TRAPPC9: variants seen among roughly 807,000 people sequenced by gnomAD.
The protein encoded by TRAPPC9 is trafficking protein particle complex subunit 9, also known as IKK2 binding protein.
A neutral mutation model predicts 124.0 loss-of-function variants in TRAPPC9; 83 were observed. That is an observed-to-expected ratio of 0.67 (90% CI 0.56 to 0.80). TRAPPC9 has a LOEUF of 0.80. Ranked by LOEUF, TRAPPC9 falls within the 30% of genes least tolerant of loss-of-function variation. TRAPPC9 has a pLI of 0.00. For missense variants in TRAPPC9, 1,302 were observed against 1,508.3 expected, an observed-to-expected ratio of 0.86 and a Z score of 2.27; for synonymous variants, 638 against 617.5, an observed-to-expected ratio of 1.03 and a Z score of -0.49.
intron 17 of TRAPPC9, among the ~76,000 whole-genome samples, chr8:140,113,995 C>G (rs1485214849): frequency 6.6e-6 from 1 of 152,206 alleles, no homozygotes; most frequent in African/African-American, 2.4e-5. Context: ...GCCTCGAAGT[C>G]TCTGATCAGA....
intron 21 of TRAPPC9, among the ~76,000 whole-genome samples, chr8:139,818,802 C>T (rs1825044328): frequency 6.6e-6 from 1 of 152,218 alleles, no homozygotes; most frequent in Non-Finnish European, 1.5e-5. Context: ...GCTCCTCCGT[C>T]GCCTGGCAAA....
At chr8:140,006,295 A>C (rs967969851) in intron 18 of TRAPPC9, among the ~76,000 whole-genome samples, 1 of 152,230 alleles carries the variant, frequency 6.6e-6, no homozygotes, top group African/African-American at 2.4e-5. Flanking sequence ...TAATTTTTTA[A>C]ATGTTCCCTT....
chr8:139,918,299 G>A (rs990167910), intron 19 of TRAPPC9, among the ~76,000 whole-genome samples: 4 of 152,224 alleles, frequency 2.6e-5, no homozygotes, highest in Non-Finnish European at 5.9e-5. Context: ...GAGGGATGGT[G>A]TGCTCTGAGC....
rs1405352197 is a variant in TRAPPC9, at chr8:139,825,164, G to A, written c.3055+60715C>T. On this transcript the variant is annotated intron_variant, in intron 21 of 22. Coordinates refer to ENST00000438773, the MANE Select transcript of TRAPPC9 (RefSeq NM_001160372.4). This position sits in a 1 kb window ranked among gnomAD's most constrained non-coding sequence, Gnocchi z 4.6. ...ACAGGATTACAGAGGGGTCTGAGAA[G>A]GTCTTACTGAGGCATGGGGTGGCCT... is the stretch of plus-strand genomic sequence containing the variant. 6.6e-6 allele frequency among the ~76,000 whole-genome samples: 1 copy of A among 152,184 alleles called. No homozygotes were observed. The highest frequency in any genetic ancestry group is 1.5e-5 in the Non-Finnish European group (1 of 68,034).
At chr8:139,884,477 C>T (rs1721641052) in intron 21 of TRAPPC9, among the ~76,000 whole-genome samples, 1 of 152,194 alleles carries the variant, frequency 6.6e-6, no homozygotes. Context: ...GCCTGTGGCC[C>T]TCCCTTCGCT....
chr8:139,989,933 G>A (rs1310548362), intron 18 of TRAPPC9, among the ~76,000 whole-genome samples: 1 of 152,222 alleles, frequency 6.6e-6, no homozygotes, highest in Non-Finnish European at 1.5e-5. Context: ...GCTGAGCTCA[G>A]TGGATGGCTG....
chr8:139,913,178 C>T (rs1253868742), intron 19 of TRAPPC9, among the ~76,000 whole-genome samples: 1 of 152,244 alleles, frequency 6.6e-6, no homozygotes, highest in Non-Finnish European at 1.5e-5. Context: ...TCATCACACT[C>T]TATTATCCTC....
intron 15 of TRAPPC9, among the ~76,000 whole-genome samples, chr8:140,265,164 C>G (rs545253467): frequency 6.9e-6 from 1 of 144,840 alleles, no homozygotes; most frequent in South Asian, 2.2e-4. Context: ...ACAGAAGCAG[C>G]AGAGTGCAAG....
intron 9 of TRAPPC9, among the ~76,000 whole-genome samples, chr8:140,337,688 C>T (rs2067080109): frequency 6.6e-6 from 1 of 152,214 alleles, no homozygotes; most frequent in Non-Finnish European, 1.5e-5. Flanking sequence ...CCAAAATGGG[C>T]TGCCTAGGTG....
At chr8:140,394,096 C>T (rs1164871823) in intron 7 of TRAPPC9, among the ~76,000 whole-genome samples, 1 of 152,226 alleles carries the variant, frequency 6.6e-6, no homozygotes, top group African/African-American at 2.4e-5. Flanking sequence ...TAAGTGAAAA[C>T]ATTTTATTTT....
chr8:140,430,164 G>C (rs994307471), intron 4 of TRAPPC9, among the ~76,000 whole-genome samples: 4 of 151,164 alleles, frequency 2.6e-5, no homozygotes, highest in Non-Finnish European at 5.9e-5. Flanking sequence ...AAAAAAAAAT[G>C]TTATCTGTTA....
chr8:139,964,266 G>T (rs1294696412), intron 19 of TRAPPC9, among the ~76,000 whole-genome samples: 1 of 151,408 alleles, frequency 6.6e-6, no homozygotes, highest in East Asian at 1.9e-4. Context: ...ACCTCAGGAG[G>T]CCAGGGAAGG....
At chr8:139,902,494 C>T (rs987387578) in intron 20 of TRAPPC9, among the ~76,000 whole-genome samples, 8 of 152,194 alleles carry the variant, frequency 5.3e-5, no homozygotes, top group Non-Finnish European at 1.2e-4. Context: ...AGCCAAATTC[C>T]CTCAAGGCAG....
chr8:139,872,193 T>C (rs1427037926), intron 21 of TRAPPC9, among the ~76,000 whole-genome samples: 1 of 147,946 alleles, frequency 6.8e-6, no homozygotes, highest in African/African-American at 2.5e-5. Context: ...GGTAGACGGG[T>C]TGGTGAGTAA....
At chr8:140,172,317 C>T (rs1725415198) in intron 17 of TRAPPC9, among the ~76,000 whole-genome samples, 1 of 151,616 alleles carries the variant, frequency 6.6e-6, no homozygotes, top group African/African-American at 2.4e-5. Flanking sequence ...ATGTCAGTTT[C>T]AACTAGTTCT....
intron 18 of TRAPPC9, among the ~76,000 whole-genome samples, chr8:140,010,590 G>T (rs576034827): frequency 6.6e-6 from 1 of 152,062 alleles, no homozygotes; most frequent in African/African-American, 2.4e-5. Context: ...ACATAAAGAT[G>T]GTTTACCTTA....
chr8:140,379,924 C>T (rs1335145031), intron 7 of TRAPPC9, among the ~76,000 whole-genome samples: 2 of 152,106 alleles, frequency 1.3e-5, no homozygotes, highest in Non-Finnish European at 2.9e-5. Context: ...AATTTGTCTC[C>T]TTCCTGGAAA....
At chr8:139,787,309 T>C (rs937100759) in intron 21 of TRAPPC9, among the ~76,000 whole-genome samples, 2 of 150,556 alleles carry the variant, frequency 1.3e-5, no homozygotes, top group African/African-American at 4.9e-5. Flanking sequence ...CGGGGAGGGG[T>C]GGGGGGCAGA....
rs549004545 is a variant in TRAPPC9, at chr8:140,307,362, GTA to G, written c.1622+3884_1622+3885del. On this transcript the variant is annotated intron_variant, in intron 10 of 22. Transcript: ENST00000438773. ...CTGAATTCCTCCCTGAACTTTCCAG[GTA>G]TATGTGCCATAAATTATTTTTGCCT... 4.0e-3 allele frequency among the ~76,000 whole-genome samples: 615 copies of G among 152,228 alleles called. 8 individuals carry two copies. The highest frequency in any genetic ancestry group is 0.014 in the African/African-American group (600 of 41,512).
Sources: gnomAD v4.1 joint callset for allele counts (sites outside exome capture counted in the v4.1 genomes callset) on GRCh38, gnomAD v4.1.1 for gene constraint, Gnocchi (gnomAD v3.1) non-coding constraint, MANE v1.5 for transcripts, NCBI Gene and HGNC (gene_info 2026-07-23, HGNC 2026-07-21) for gene names.